Variants in PXMP2 observed in about 807,000 individuals in gnomAD.
PXMP2 encodes peroxisomal membrane protein 2, also known as 22 kDa peroxisomal membrane protein.
Under a neutral mutation model 20.2 loss-of-function variants are expected in PXMP2, and 13 were observed. That is an observed-to-expected ratio of 0.64 (90% CI 0.42 to 1.02). The LOEUF is 1.02. PXMP2 is among the 50% of genes least tolerant of loss of function. PXMP2 has a pLI of 0.00. For synonymous variants in PXMP2, 113 were observed against 111.2 expected, an observed-to-expected ratio of 1.02 and a Z score of -0.10; for missense variants, 284 against 251.8, an observed-to-expected ratio of 1.13 and a Z score of -0.87.
At chr12:132,694,404 G>T (rs1167978162) in intron 2 of PXMP2, among the ~76,000 whole-genome samples, 40 of 73,190 alleles carry the variant, frequency 5.5e-4, no homozygotes, top group African/African-American at 1.9e-3. Context: ...GTTAGTGAGC[G>T]CCCTTGCCAG....
intron 3 of PXMP2, 88 bp from the exon 4 acceptor site, chr12:132,701,162 A>G: frequency 1.3e-6 from 2 of 1,558,378 alleles, no homozygotes; most frequent in Non-Finnish European, 1.8e-6. Flanking sequence ...ATAGCAGTTT[A>G]AAAACCATCA....
At chr12:132,695,817 G>A (rs2043406724) in intron 2 of PXMP2, 67 bp from the exon 3 acceptor site, 2 of 1,494,594 alleles carry the variant, frequency 1.3e-6, no homozygotes, top group African/African-American at 2.8e-5. Context: ...ATTTGGGGGT[G>A]AAGCTAGACC....
In PXMP2 at chr12:132,704,302, T is replaced by C. The variant is rs565287180; in HGVS notation, c.520-317T>C. Among the ~76,000 whole-genome samples, 79 of 152,204 alleles carry C rather than the reference T, an allele frequency of 5.2e-4. 2 individuals carry two copies. In the Middle Eastern group the frequency reaches 0.01, roughly 20 times the overall value. ...CAGCCACCTGCATGATGGCTGGTCC[T>C]GGAGTGAGAGAGGCTGAACCAGGAG... On this transcript the variant is annotated intron_variant, in intron 4 of 4. Coordinates refer to ENST00000317479, the MANE Select transcript of PXMP2 (RefSeq NM_018663.3).
At chr12:132,694,966 CAGTT>C (rs552182561) in intron 2 of PXMP2, among the ~76,000 whole-genome samples, 2 of 71,386 alleles carry the variant, frequency 2.8e-5, no homozygotes, top group Non-Finnish European at 4.2e-5. Context: ...GCTCCCTTGC[CAGTT>C]AGTTAGTGAG....
chr12:132,692,335 T>G (rs1175779037), intron 2 of PXMP2, among the ~76,000 whole-genome samples: 23 of 133,558 alleles, frequency 1.7e-4, no homozygotes, highest in Non-Finnish European at 2.8e-4. Flanking sequence ...GCCAGTTAGT[T>G]AGTGAGCGCC....
intron 3 of PXMP2, among the ~76,000 whole-genome samples, chr12:132,699,089 G>A (rs965345619): frequency 2.0e-5 from 3 of 151,966 alleles, no homozygotes; most frequent in Non-Finnish European, 2.9e-5. Context: ...TCTTCTCCCC[G>A]CCACCTTTTC....
chr12:132,688,191 T>C, intron 1 of PXMP2: 1 of 125,612 alleles, frequency 8.0e-6, no homozygotes, highest in Non-Finnish European at 1.5e-5. Flanking sequence ...GGGGAGCGGG[T>C]CTGCGGGGCG....
At chr12:132,694,958 T>G (rs150210981) in intron 2 of PXMP2, among the ~76,000 whole-genome samples, 226 of 54,796 alleles carry the variant, frequency 4.1e-3, no homozygotes, top group African/African-American at 8.5e-3. Context: ...GTTAGTGAGC[T>G]CCCTTGCCAG....
At chr12:132,692,946 T>TGCCAGTTAGTTAGTGAGCTCCCTTA (rs2043380686) in intron 2 of PXMP2, among the ~76,000 whole-genome samples, 1 of 84,504 alleles carries the variant, frequency 1.2e-5, no homozygotes, top group African/African-American at 4.0e-5. Flanking sequence ...TGAGCGCCCT[T>TGCCAGTTAGTTAGTGAGCTCCCTTA]GCCAGTTAGT....
At chr12:132,699,345 G>A (rs1406668062) in intron 3 of PXMP2, among the ~76,000 whole-genome samples, 1 of 152,050 alleles carries the variant, frequency 6.6e-6, no homozygotes, top group Non-Finnish European at 1.5e-5. Flanking sequence ...TCAGGAGGTT[G>A]AGGCCAAGTG....
rs533393529 is a variant in PXMP2 at position 132,696,756 on chromosome 12, C to T, written c.399+710C>T. ...TGGAGCTTGCCGTGAGCCGAGATGT[C>T]GCCACTGCACTCTAGCCTGGGTAAT... On this transcript the variant is annotated intron_variant, in intron 3 of 4. Coordinates refer to ENST00000317479, the MANE Select transcript of PXMP2 (RefSeq NM_018663.3). This position sits in a 1 kb window ranked among gnomAD's most constrained non-coding sequence, Gnocchi z 4.4. Among the ~76,000 whole-genome samples, 15 of 151,594 alleles carry T rather than the reference C, an allele frequency of 9.9e-5. No individual in the cohort carries two copies. The South Asian group carries it at 2.9e-3, about 30-fold the overall frequency.
intron 3 of PXMP2, among the ~76,000 whole-genome samples, chr12:132,698,432 T>C (rs951331073): frequency 6.6e-6 from 1 of 152,240 alleles, no homozygotes; most frequent in Non-Finnish European, 1.5e-5. Flanking sequence ...AGGAAGATAA[T>C]AGAAATATTC....
At chr12:132,692,442 G>A (rs34108672) in intron 2 of PXMP2, among the ~76,000 whole-genome samples, 2 of 61,440 alleles carry the variant, frequency 3.3e-5, no homozygotes, top group African/African-American at 5.3e-5. Flanking sequence ...GTTAGTGAGC[G>A]CCCTTAGCCA....
At position 132,693,691 on chromosome 12, in the gene PXMP2, G is replaced by C. The variant is rs2043387835; in HGVS notation, c.237-2193G>C. ...AGTTAGTGAGCGCCCTTGCCAGTTAGTTAGTGAGCTCCCTTAGCCAGTTAG... is the reference window on the plus strand; with the variant it reads ...AGTTAGTGAGCGCCCTTGCCAGTTACTTAGTGAGCTCCCTTAGCCAGTTAG... On this transcript the variant is annotated intron_variant, in intron 2 of 4. Coordinates refer to ENST00000317479, the MANE Select transcript of PXMP2 (RefSeq NM_018663.3). 5.0e-5 allele frequency among the ~76,000 whole-genome samples: 7 copies of C among 138,812 alleles called. No individual in the cohort carries two copies. In the South Asian group the frequency reaches 1.8e-3, roughly 36 times the overall value. The allele number at this position is 138,812 out of a possible 152,430, so 91.1% of individuals were successfully genotyped here.
At position 132,704,765 on chromosome 12, in the gene PXMP2, C is replaced by A. The variant is rs753170647; in HGVS notation, c.*78C>A. 1.7e-5 allele frequency: 23 copies of A among 1,367,808 alleles called. No individual in the cohort carries two copies. Among genetic ancestry groups the A allele is most frequent in the Non-Finnish European group, 2.3e-5 (22 of 961,360 alleles). 84.7% of individuals were successfully genotyped at this position (1,367,808 alleles called of 1,614,324 possible). On this transcript the variant is annotated 3_prime_UTR_variant, in exon 5 of 5. Transcript: ENST00000317479. ...CCCGCCCAGCGAGAGCAGAACCAAT[C>A]CAGTCAGGATGTCACTGACTCTAAA...
chr12:132,696,900 G>A lies in PXMP2; in HGVS notation c.399+854G>A, dbSNP rs1277718474. Among the ~76,000 whole-genome samples, 1 of 152,042 alleles carries A rather than the reference G, an allele frequency of 6.6e-6. No homozygotes were observed. Among genetic ancestry groups the A allele is most frequent in the Non-Finnish European group, 1.5e-5 (1 of 68,008 alleles). On this transcript the variant is annotated intron_variant, in intron 3 of 4. Transcript: ENST00000317479. This position sits in a 1 kb window ranked among gnomAD's most constrained non-coding sequence, Gnocchi z 4.4. ...TGAGGCAGGAGAATCGCTTGAAGCC[G>A]GGAGGTGGAGGTTGTGGTGAGCTGA... is the stretch of plus-strand genomic sequence containing the variant.
At chr12:132,691,919 G>T (rs1485372443) in intron 2 of PXMP2, among the ~76,000 whole-genome samples, 1 of 152,274 alleles carries the variant, frequency 6.6e-6, no homozygotes, top group Admixed American at 6.5e-5. Flanking sequence ...GGAATGATTA[G>T]TAGCAACGCA....
chr12:132,687,640 G>C lies in PXMP2; in HGVS notation c.-31G>C, dbSNP rs1361483914. 2 of 1,156,226 alleles carry C rather than the reference G, an allele frequency of 1.7e-6. No individual in the cohort carries two copies. The highest frequency in any genetic ancestry group is 3.2e-5 in the African/African-American group (2 of 61,744). 71.6% of individuals were successfully genotyped at this position (1,156,226 alleles called of 1,614,324 possible). On this transcript the variant is annotated 5_prime_UTR_variant, in exon 1 of 5. Coordinates refer to ENST00000317479, the MANE Select transcript of PXMP2 (RefSeq NM_018663.3). ...GCCCGGCCAGCCTGAGGTGGGGTCG[G>C]TGCCCCCGGCGGCACGGCGCTGGGG...
intron 4 of PXMP2, among the ~76,000 whole-genome samples, chr12:132,703,445 A>G (rs974411966): frequency 2.0e-5 from 3 of 152,080 alleles, no homozygotes; most frequent in Non-Finnish European, 4.4e-5. Context: ...GGGGTCCCCT[A>G]AGGAGTCAGG....
Sources: allele counts gnomAD v4.1 joint callset (sites outside exome capture counted in the v4.1 genomes callset), GRCh38; gene constraint gnomAD v4.1.1; non-coding constraint Gnocchi (gnomAD v3.1); transcripts MANE v1.5; gene names NCBI Gene and HGNC (gene_info 2026-07-23, HGNC 2026-07-21).